MAPK10: variants seen among roughly 807,000 people sequenced by gnomAD.
MAPK10 encodes JNK3 alpha protein kinase.
MAPK10 carries 25 observed loss-of-function variants against 59.3 expected under a neutral mutation model. The ratio of observed to expected loss-of-function variants is 0.42; its 90% CI spans 0.31 to 0.59. The LOEUF (loss-of-function observed/expected upper bound fraction) is 0.59. Among genes scored for constraint, MAPK10 ranks in the 20% least tolerant of loss-of-function variants. The pLI is 0.15. For synonymous variants in MAPK10, 190 were observed against 200.5 expected, an observed-to-expected ratio of 0.95 and a Z score of 0.44; for missense variants, 351 against 568.9, an observed-to-expected ratio of 0.62 and a Z score of 3.90.
intron 2 of MAPK10, among the ~76,000 whole-genome samples, chr4:86,301,837 C>T (rs948545758): frequency 6.6e-6 from 1 of 152,128 alleles, no homozygotes; most frequent in East Asian, 1.9e-4. Flanking sequence ...ACACTGAGAA[C>T]CACTACACAA....
intron 1 of MAPK10, among the ~76,000 whole-genome samples, chr4:86,506,886 C>T (rs555600081): frequency 6.6e-6 from 1 of 152,140 alleles, no homozygotes; most frequent in South Asian, 2.1e-4. Context: ...GGCAGCTGTG[C>T]TAAGTGGTAA....
At chr4:86,111,294 T>G (rs1018043919) in intron 4 of MAPK10, among the ~76,000 whole-genome samples, 1 of 152,186 alleles carries the variant, frequency 6.6e-6, no homozygotes, top group East Asian at 1.9e-4. Context: ...AGGGCATCCT[T>G]GTCTTGTGTC....
At chr4:86,278,775 C>G (rs1042105371) in intron 2 of MAPK10, among the ~76,000 whole-genome samples, 1 of 152,044 alleles carries the variant, frequency 6.6e-6, no homozygotes, top group African/African-American at 2.4e-5. Flanking sequence ...AAATTCATAA[C>G]CTCAATCAAT....
intron 9 of MAPK10, chr4:86,082,228 G>A (rs895339470): frequency 2.0e-5 from 3 of 152,148 alleles, no homozygotes; most frequent in African/African-American, 4.8e-5. Flanking sequence ...GGTAGGTGGA[G>A]CACATAAAAA....
At chr4:86,372,443 G>C (rs1564748438) in intron 1 of MAPK10, among the ~76,000 whole-genome samples, 1 of 151,662 alleles carries the variant, frequency 6.6e-6, no homozygotes, top group Non-Finnish European at 1.5e-5. Flanking sequence ...CTTGAACCCA[G>C]GAGGCGGAGG....
chr4:86,174,269 C>G (rs796612370), intron 3 of MAPK10, among the ~76,000 whole-genome samples: 1 of 152,138 alleles, frequency 6.6e-6, no homozygotes, highest in East Asian at 1.9e-4. Flanking sequence ...CACATATACA[C>G]CGTGGAATAC....
At chr4:86,342,946 T>A (rs1216692168) in intron 2 of MAPK10, among the ~76,000 whole-genome samples, 1 of 152,136 alleles carries the variant, frequency 6.6e-6, no homozygotes, top group East Asian at 1.9e-4. Flanking sequence ...AGGTTCTTCA[T>A]CATCTATAGA....
chr4:86,117,841 C>T (rs1045506352), intron 4 of MAPK10: 2 of 152,274 alleles, frequency 1.3e-5, no homozygotes, highest in East Asian at 1.9e-4. Context: ...TTCCACTCCC[C>T]CGTTCACAGC....
intron 1 of MAPK10, among the ~76,000 whole-genome samples, chr4:86,552,494 A>AGGGAGGGG (rs1759907169): frequency 1.9e-5 from 1 of 51,662 alleles, no homozygotes. Flanking sequence ...GGAGGGAGGG[A>AGGGAGGGG]GGGAAGGAAA....
chr4:86,135,633 T>A (rs1465705371), intron 4 of MAPK10, among the ~76,000 whole-genome samples: 3 of 152,060 alleles, frequency 2.0e-5, no homozygotes, highest in Non-Finnish European at 4.4e-5. Context: ...AGAGCGCCTC[T>A]CCTCCTCCAA....
intron 2 of MAPK10, among the ~76,000 whole-genome samples, chr4:86,333,217 T>G (rs2148918559): frequency 6.6e-6 from 1 of 152,294 alleles, no homozygotes; most frequent in Non-Finnish European, 1.5e-5. Context: ...ATTTCTAGAA[T>G]AAGAGAAATG....
intron 2 of MAPK10, among the ~76,000 whole-genome samples, chr4:86,224,336 G>A (rs2148649891): frequency 6.6e-6 from 1 of 152,274 alleles, no homozygotes; most frequent in Admixed American, 6.5e-5. Flanking sequence ...TATGTTATAT[G>A]AACCTATCAG....
At chr4:86,293,764 G>A (rs1316374061) in intron 2 of MAPK10, among the ~76,000 whole-genome samples, 1 of 151,958 alleles carries the variant, frequency 6.6e-6, no homozygotes, top group Non-Finnish European at 1.5e-5. Context: ...TGCAGGGGAG[G>A]TGCCACACGC....
rs187991249 is a variant in MAPK10 at position 86,025,843 on chromosome 4, T to C, written c.1252+3354A>G. Reference sequence around the variant, plus strand: ...GGGGGAAAATGTTGTTCTGCTTTTTTTAAAGGCAATGATTTTCCTGATAAC... The same window carrying C: ...GGGGGAAAATGTTGTTCTGCTTTTTCTAAAGGCAATGATTTTCCTGATAAC... On this transcript the variant is annotated intron_variant, in intron 13 of 13. Transcript: ENST00000641462. Among the ~76,000 whole-genome samples, 975 of 152,294 alleles carry C rather than the reference T, an allele frequency of 6.4e-3. 12 individuals are homozygous for C. The highest frequency in any genetic ancestry group is 0.022 in the African/African-American group (928 of 41,550).
intron 9 of MAPK10, among the ~76,000 whole-genome samples, chr4:86,088,522 G>A (rs886498123): frequency 2.0e-5 from 3 of 152,052 alleles, no homozygotes; most frequent in Non-Finnish European, 4.4e-5. Flanking sequence ...CTGCTTAAGA[G>A]AGAATCACTT....
chr4:86,439,963 G>T (rs1015531829), intron 1 of MAPK10, among the ~76,000 whole-genome samples: 1 of 152,020 alleles, frequency 6.6e-6, no homozygotes, highest in Non-Finnish European at 1.5e-5. Context: ...TATATGAGAA[G>T]AAATATAAAA....
chr4:86,014,270 G>A lies in MAPK10; in HGVS notation c.*2958C>T, dbSNP rs1333314192. The A allele has an allele frequency of 6.6e-6, 1 of 151,492 alleles. No individual in the cohort carries two copies. The highest frequency in any genetic ancestry group is 1.5e-5 in the Non-Finnish European group (1 of 68,012). The allele number at this position is 151,492 out of a possible 1,614,324, so 9.4% of individuals were successfully genotyped here. A position where few individuals can be genotyped will look rare whatever the true frequency, so the allele number is the denominator to read the frequency against. Reference sequence around the variant, plus strand: ...ACCGGAAAAGTTGGGATGTTCTTGGGAAATAACAGGTGACTATTTAAGAAA... The same window carrying A: ...ACCGGAAAAGTTGGGATGTTCTTGGAAAATAACAGGTGACTATTTAAGAAA... On this transcript the variant is annotated 3_prime_UTR_variant, in exon 14 of 14. Coordinates refer to ENST00000641462, the MANE Select transcript of MAPK10 (RefSeq NM_138982.4).
chr4:86,094,733 T>C (rs2053912082), intron 9 of MAPK10, among the ~76,000 whole-genome samples: 1 of 151,792 alleles, frequency 6.6e-6, no homozygotes. Context: ...TAAGGAAGCA[T>C]TGTAAAGCTG....
At chr4:86,348,698 A>G (rs1729568469) in intron 2 of MAPK10, among the ~76,000 whole-genome samples, 2 of 152,174 alleles carry the variant, frequency 1.3e-5, no homozygotes. Context: ...TGCAGTACCT[A>G]CTATCTACTC....
Sources: gnomAD v4.1 joint callset for allele counts (sites outside exome capture counted in the v4.1 genomes callset) on GRCh38, gnomAD v4.1.1 for gene constraint, MANE v1.5 for transcripts, NCBI Gene and HGNC (gene_info 2026-07-23, HGNC 2026-07-21) for gene names.